Variants in ADAMTS18 observed in about 807,000 individuals in gnomAD.
ADAMTS18 encodes ADAM metallopeptidase with thrombospondin type 1 motif 18.
In ADAMTS18, 157 loss-of-function variants were observed where a neutral mutation model predicts 165.9. The ratio of observed to expected loss-of-function variants is 0.95; its 90% CI spans 0.83 to 1.08. ADAMTS18 has a LOEUF of 1.08. Among genes scored for constraint, ADAMTS18 ranks in the 50% least tolerant of loss-of-function variants. The pLI, the probability that ADAMTS18 is intolerant of heterozygous loss-of-function variation, is 0.00. For synonymous variants in ADAMTS18, 782 were observed against 578.2 expected, an observed-to-expected ratio of 1.35 and a Z score of -5.06; for missense variants, 2,040 against 1,534.0, an observed-to-expected ratio of 1.33 and a Z score of -5.51.
intron 3 of ADAMTS18, among the ~76,000 whole-genome samples, chr16:77,399,681 C>T (rs1411922902): frequency 6.6e-6 from 1 of 152,124 alleles, no homozygotes; most frequent in Non-Finnish European, 1.5e-5. Flanking sequence ...TAATATGCTG[C>T]CGAGCACAAA....
At chr16:77,355,807 T>G in intron 9 of ADAMTS18, 133 bp downstream of exon 9, 1 of 1,083,958 alleles carries the variant, frequency 9.2e-7, no homozygotes. Context: ...ATCATCATTA[T>G]CATCATCATT....
chr16:77,379,630 A>G (rs893922736), intron 3 of ADAMTS18, among the ~76,000 whole-genome samples: 2 of 152,164 alleles, frequency 1.3e-5, no homozygotes, highest in African/African-American at 2.4e-5. Flanking sequence ...CTGGAACTAC[A>G]GGTGCGTGCC....
At chr16:77,392,442 T>G (rs1395460330) in intron 3 of ADAMTS18, among the ~76,000 whole-genome samples, 4 of 152,136 alleles carry the variant, frequency 2.6e-5, no homozygotes, top group African/African-American at 7.2e-5. Flanking sequence ...TTCTCCCCAT[T>G]GGGTTCACAC....
chr16:77,415,044 G>A (rs910629899), intron 3 of ADAMTS18, among the ~76,000 whole-genome samples: 3 of 152,170 alleles, frequency 2.0e-5, no homozygotes, highest in Admixed American at 1.3e-4. Context: ...AGAAAGTAGT[G>A]AATCAACAAG....
intron 10 of ADAMTS18, among the ~76,000 whole-genome samples, chr16:77,348,440 G>A (rs962305316): frequency 1.3e-5 from 2 of 152,188 alleles, no homozygotes; most frequent in African/African-American, 4.8e-5. Context: ...CCTCCAGGGT[G>A]GCAGAAGAGA....
Position 77,364,177 on chromosome 16 carries a change from C to A in ADAMTS18, c.972+11G>T, listed in dbSNP as rs1001548466. The A allele has an allele frequency of 3.7e-6, 6 of 1,613,988 alleles. No homozygotes were observed. Among genetic ancestry groups the A allele is most frequent in the African/African-American group, 2.7e-5 (2 of 74,980 alleles). On this transcript the variant is annotated intron_variant, in intron 5 of 22. Transcript: ENST00000282849. ...TTGGAGAGCCAGAAGGTTTGTGACA[C>A]CCCCGCTTACCATGTTCATTACTGT... is the stretch of plus-strand genomic sequence containing the variant.
At chr16:77,424,931 C>A (rs1021615849) in intron 3 of ADAMTS18, among the ~76,000 whole-genome samples, 2 of 152,158 alleles carry the variant, frequency 1.3e-5, no homozygotes, top group Admixed American at 6.5e-5. Flanking sequence ...TCTTTCTGCC[C>A]GCCATGGACG....
chr16:77,293,269 CA>C lies in ADAMTS18; in HGVS notation c.3007-12del. The C allele has an allele frequency of 1.2e-6, 2 of 1,607,758 alleles. No individual in the cohort carries two copies. Among genetic ancestry groups the C allele is most frequent in the Non-Finnish European group, 1.7e-6 (2 of 1,176,942 alleles). ...ACAGGTCTTGGAACACTTGAGAAGA[CA>C]AAAAAGTTCTATTTGCATTCCCATT... On this transcript the variant is annotated splice_polypyrimidine_tract_variant and intron_variant, in intron 19 of 22. Transcript: ENST00000282849.
intron 13 of ADAMTS18, among the ~76,000 whole-genome samples, chr16:77,323,656 G>C (rs968656738): frequency 4.0e-5 from 6 of 151,728 alleles, no homozygotes; most frequent in African/African-American, 1.2e-4. Context: ...CTGTAGCACA[G>C]AGATTGTCCA....
In ADAMTS18 at chr16:77,373,158, C is replaced by T. The variant is rs997665133; in HGVS notation, c.496-5435G>A. On this transcript the variant is annotated intron_variant, in intron 3 of 22. Coordinates refer to ENST00000282849, the MANE Select transcript of ADAMTS18 (RefSeq NM_199355.4). ...CATTGCTGATGTCTCAATTTAAACA[C>T]CATCTTCTCAGAGAAGCCGTACTCA... 7.9e-5 allele frequency among the ~76,000 whole-genome samples: 12 copies of T among 152,248 alleles called. No individual in the cohort carries two copies. The Middle Eastern group carries it at 0.01, about 129-fold the overall frequency.
intron 3 of ADAMTS18, among the ~76,000 whole-genome samples, chr16:77,377,876 G>T (rs762987314): frequency 6.6e-6 from 1 of 152,146 alleles, no homozygotes; most frequent in Non-Finnish European, 1.5e-5. Context: ...ATAAGGGAAA[G>T]ACTTAAAGTA....
rs148774041 is a variant in ADAMTS18, at chr16:77,409,893, G to A, written c.495+21402C>T. On this transcript the variant is annotated intron_variant, in intron 3 of 22. Coordinates refer to ENST00000282849, the MANE Select transcript of ADAMTS18 (RefSeq NM_199355.4). ...CTATAGTGCTAGAAAAGATTTATTC[G>A]GTGATTCCATACCTCCTGCTAATAT... Among the ~76,000 whole-genome samples the A allele has an allele frequency of 3.1e-3, 475 of 152,020 alleles. 4 individuals are homozygous for A. The highest frequency in any genetic ancestry group is 0.011 in the African/African-American group (460 of 41,488).
At chr16:77,388,069 C>T (rs994035514) in intron 3 of ADAMTS18, among the ~76,000 whole-genome samples, 5 of 152,190 alleles carry the variant, frequency 3.3e-5, no homozygotes, top group East Asian at 3.9e-4. Flanking sequence ...GTAGGCACTA[C>T]GCACTCTGCA....
intron 17 of ADAMTS18, among the ~76,000 whole-genome samples, chr16:77,299,351 T>C (rs2144588975): frequency 6.6e-6 from 1 of 152,350 alleles, no homozygotes; most frequent in Non-Finnish European, 1.5e-5. Flanking sequence ...TACTAGAAAA[T>C]GTATTACCTT....
At chr16:77,360,648 C>T (rs914154819) in intron 7 of ADAMTS18, among the ~76,000 whole-genome samples, 1 of 152,150 alleles carries the variant, frequency 6.6e-6, no homozygotes, top group East Asian at 1.9e-4. Flanking sequence ...TGGATATATA[C>T]CATCTTTCAT....
At chr16:77,378,363 AAC>A (rs1273906561) in intron 3 of ADAMTS18, among the ~76,000 whole-genome samples, 5 of 145,320 alleles carry the variant, frequency 3.4e-5, no homozygotes, top group African/African-American at 1.0e-4. Context: ...AAAAAAAAAA[AAC>A]CAAGCCCTTT....
chr16:77,331,173 A>T (rs1463352828), intron 12 of ADAMTS18, among the ~76,000 whole-genome samples: 1 of 152,214 alleles, frequency 6.6e-6, no homozygotes, highest in Non-Finnish European at 1.5e-5. Context: ...GTTTCCATGA[A>T]CAATGCCCTA....
rs766506029 is a variant in ADAMTS18 at position 77,367,526 on chromosome 16, G to C, written c.693C>G (p.His231Gln). The C allele has an allele frequency of 3.7e-6, 6 of 1,614,260 alleles. No homozygotes were observed. The highest frequency in any genetic ancestry group is 1.6e-4 in the Middle Eastern group (1 of 6,062). The change falls in exon 4 of 23, where the codon CAC becomes CAG. Residue 231 changes from histidine to glutamine, a missense_variant. His to Gln is a conservative substitution (Grantham distance 24, BLOSUM62 0). Transcript: ENST00000282849. The stretch of plus-strand genomic sequence containing the variant: ...CTCGACTCTGAGATGCATGGGGAAT[G>C]TGACTTGGGGAGTAACCAGGATAAT... Reference protein sequence around the residue: ...GRNYPGYSPSHIPHASQSRET... With the variant: ...GRNYPGYSPSQIPHASQSRET...
chr16:77,431,442 C>T lies in ADAMTS18; in HGVS notation c.348G>A (p.Ala116=), dbSNP rs1450143060. ...GGACAATAAAGTGACTGCTCAAAAT[C>T]GCCGAGGGCTTAAGTTCTAAGTGCA... The part of the protein sequence containing the change: ...QELHLELKPS[A]ILSSHFIVQV... The change falls in exon 3 of 23, where the codon GCG becomes GCA. Residue 116 remains alanine, a synonymous_variant. Transcript: ENST00000282849. 6.2e-6 allele frequency: 10 copies of T among 1,614,084 alleles called. No individual in the cohort carries two copies. In the African/African-American group the frequency reaches 6.7e-5, roughly 11 times the overall value.
Sources: allele counts gnomAD v4.1 joint callset (sites outside exome capture counted in the v4.1 genomes callset), GRCh38; gene constraint gnomAD v4.1.1; transcripts MANE v1.5; gene names NCBI Gene and HGNC (gene_info 2026-07-23, HGNC 2026-07-21).